The following SNX29 variants were observed in gnomAD, a reference collection of about 807,000 sequenced individuals.
The protein encoded by SNX29 is sorting nexin 29.
A neutral mutation model predicts 102.1 loss-of-function variants in SNX29; 78 were observed. The observed-to-expected ratio is 0.76, with a 90% confidence interval of 0.64 to 0.92. SNX29 has a LOEUF of 0.92. Among genes scored for constraint, SNX29 ranks in the 40% least tolerant of loss-of-function variants. The probability of loss-of-function intolerance (pLI) is 0.00; values close to 1 mark genes in which losing one functional copy is unlikely to be tolerated. For synonymous variants in SNX29, 580 were observed against 414.5 expected, an observed-to-expected ratio of 1.40 and a Z score of -4.85; for missense variants, 1,280 against 1,061.7, an observed-to-expected ratio of 1.21 and a Z score of -2.86.
intron 3 of SNX29, among the ~76,000 whole-genome samples, chr16:12,015,645 C>T (rs1182587789): frequency 6.6e-6 from 1 of 151,594 alleles, no homozygotes; most frequent in Admixed American, 6.6e-5. Context: ...ACACCATTCT[C>T]CTGTCTCAGC....
intron 13 of SNX29, among the ~76,000 whole-genome samples, chr16:12,179,563 G>A (rs1054248170): frequency 9.2e-5 from 14 of 152,188 alleles, no homozygotes; most frequent in African/African-American, 3.4e-4. Context: ...CTTTACCTGA[G>A]CCTATGGCCA....
chr16:12,132,361 A>C (rs1353582978), intron 13 of SNX29, among the ~76,000 whole-genome samples: 1 of 152,088 alleles, frequency 6.6e-6, no homozygotes, highest in Non-Finnish European at 1.5e-5. Context: ...CAGCCTTCCA[A>C]AGTGCTTGGA....
At chr16:12,520,320 G>A (rs1031718109) in intron 19 of SNX29, among the ~76,000 whole-genome samples, 5 of 152,310 alleles carry the variant, frequency 3.3e-5, no homozygotes, top group East Asian at 1.9e-4. Flanking sequence ...ACTGAACCCC[G>A]CTTTGGGGAA....
At position 12,108,692 on chromosome 16, in the gene SNX29, G is replaced by A. The variant is rs149356318; in HGVS notation, c.1403-17941G>A. ...CCATCAGGGAGGTTCAGTCCATTACGTAGAGTTATGCTGGTGGTGGCCAGT... is the reference window on the plus strand; with the variant it reads ...CCATCAGGGAGGTTCAGTCCATTACATAGAGTTATGCTGGTGGTGGCCAGT... On this transcript the variant is annotated intron_variant, in intron 11 of 20. Coordinates refer to ENST00000566228, the MANE Select transcript of SNX29 (RefSeq NM_032167.5). Among the ~76,000 whole-genome samples the A allele has an allele frequency of 2.7e-3, 416 of 152,272 alleles. 1 individual carries two copies. Among genetic ancestry groups the A allele is most frequent in the African/African-American group, 9.5e-3 (393 of 41,550 alleles).
intron 13 of SNX29, among the ~76,000 whole-genome samples, chr16:12,155,806 C>T (rs2055523102): frequency 6.6e-6 from 1 of 152,162 alleles, no homozygotes; most frequent in Non-Finnish European, 1.5e-5. Context: ...AGTCCCAGGG[C>T]CTGTCTTGTT....
chr16:12,486,421 C>G (rs1161398687), intron 19 of SNX29, among the ~76,000 whole-genome samples: 1 of 150,222 alleles, frequency 6.7e-6, no homozygotes, highest in South Asian at 2.1e-4. Context: ...TACCGTACAC[C>G]TCTTCTTCCT....
At chr16:12,330,172 T>C (rs1002345177) in intron 15 of SNX29, among the ~76,000 whole-genome samples, 5 of 152,198 alleles carry the variant, frequency 3.3e-5, no homozygotes, top group African/African-American at 1.2e-4. Flanking sequence ...ACAGTTGGCC[T>C]GGTGCCTGGG....
At chr16:12,525,904 G>A (rs1035920943) in intron 20 of SNX29, among the ~76,000 whole-genome samples, 6 of 152,174 alleles carry the variant, frequency 3.9e-5, no homozygotes, top group East Asian at 3.9e-4. Context: ...TCCTTTTGAC[G>A]TCCCTGCCTT....
chr16:12,379,878 G>T (rs182322000), intron 16 of SNX29, among the ~76,000 whole-genome samples: 1 of 152,276 alleles, frequency 6.6e-6, no homozygotes, highest in East Asian at 1.9e-4. Flanking sequence ...GCTGATGGGA[G>T]GCACTGGTGT....
rs564207074 is a variant in SNX29, at chr16:12,352,354, C to T, written c.1783-3809C>T. 1.5e-3 allele frequency among the ~76,000 whole-genome samples: 208 copies of T among 140,280 alleles called. 1 individual carries two copies. The highest frequency in any genetic ancestry group is 2.1e-3 in the Non-Finnish European group (133 of 64,742). 92.0% of individuals were successfully genotyped at this position (140,280 alleles called of 152,430 possible). ...ACACAGGAAGGGGAACATCACACACCGGGGACTGTTGTGCGGTGGGGGAAG... is the reference window on the plus strand; with the variant it reads ...ACACAGGAAGGGGAACATCACACACTGGGGACTGTTGTGCGGTGGGGGAAG... On this transcript the variant is annotated intron_variant, in intron 15 of 20. Transcript: ENST00000566228.
At chr16:12,410,088 G>A (rs536956824) in intron 18 of SNX29, among the ~76,000 whole-genome samples, 2 of 151,950 alleles carry the variant, frequency 1.3e-5, no homozygotes, top group African/African-American at 4.8e-5. Flanking sequence ...TCCACCTCCC[G>A]GGTTCAAGTG....
chr16:12,283,198 C>T (rs2079488933), intron 15 of SNX29, among the ~76,000 whole-genome samples: 2 of 152,120 alleles, frequency 1.3e-5, no homozygotes, highest in Non-Finnish European at 2.9e-5. Context: ...CCCTTTGTGG[C>T]TTTTCTTACC....
At chr16:12,457,205 G>C (rs960021692) in intron 18 of SNX29, among the ~76,000 whole-genome samples, 2 of 152,214 alleles carry the variant, frequency 1.3e-5, no homozygotes, top group African/African-American at 4.8e-5. Context: ...CACCGGTCAT[G>C]CTTTATGCAT....
chr16:12,160,866 A>G (rs1332955778), intron 13 of SNX29, among the ~76,000 whole-genome samples: 3 of 152,218 alleles, frequency 2.0e-5, no homozygotes, highest in African/African-American at 4.8e-5. Context: ...CAATGTCTGG[A>G]CTGTGGGAGC....
In SNX29 at chr16:12,327,574, C is replaced by A. The variant is rs189482046; in HGVS notation, c.1783-28589C>A. On this transcript the variant is annotated intron_variant, in intron 15 of 20. Coordinates refer to ENST00000566228, the MANE Select transcript of SNX29 (RefSeq NM_032167.5). ...TTGGGTTAGGGCCCACCTTAATGAC[C>A]TCATTTACCCTTAGTTACCTCCTTA... Among the ~76,000 whole-genome samples, 3 of 152,180 alleles carry A rather than the reference C, an allele frequency of 2.0e-5. No individual in the cohort carries two copies. The East Asian group carries it at 5.8e-4, about 29-fold the overall frequency.
At chr16:12,229,352 G>A (rs144666591) in intron 14 of SNX29, among the ~76,000 whole-genome samples, 2,841 of 152,292 alleles carry the variant, frequency 0.019, 49 homozygotes, top group Non-Finnish European at 0.022. Flanking sequence ...GCCAGTCCTA[G>A]GATTTTAGGC....
At chr16:12,196,496 A>G (rs548096211) in intron 13 of SNX29, among the ~76,000 whole-genome samples, 5 of 152,258 alleles carry the variant, frequency 3.3e-5, no homozygotes, top group East Asian at 3.9e-4. Flanking sequence ...GGGTCTTGCT[A>G]CTGTGCTGCT....
At chr16:12,086,078 A>G (rs901008466) in intron 11 of SNX29, among the ~76,000 whole-genome samples, 2 of 142,852 alleles carry the variant, frequency 1.4e-5, no homozygotes, top group Non-Finnish European at 3.0e-5. Context: ...ATCTCGGCTC[A>G]GTGCAAGCTC....
chr16:12,151,216 A>G (rs556208591), intron 13 of SNX29, among the ~76,000 whole-genome samples: 1 of 152,318 alleles, frequency 6.6e-6, no homozygotes, highest in Non-Finnish European at 1.5e-5. Flanking sequence ...TTAACAACTT[A>G]CAGCAAGTCC....
Sources: gnomAD v4.1 joint callset for allele counts (sites outside exome capture counted in the v4.1 genomes callset) on GRCh38, gnomAD v4.1.1 for gene constraint, MANE v1.5 for transcripts, NCBI Gene and HGNC (gene_info 2026-07-23, HGNC 2026-07-21) for gene names.